The following TRIM66 variants were observed in gnomAD, a reference collection of about 807,000 sequenced individuals.
The protein encoded by TRIM66 is tripartite motif containing 66.
A neutral mutation model predicts 148.2 loss-of-function variants in TRIM66; 99 were observed. That is an observed-to-expected ratio of 0.67 (90% CI 0.57 to 0.79). The LOEUF (loss-of-function observed/expected upper bound fraction) is 0.79. Among genes scored for constraint, TRIM66 ranks in the 30% least tolerant of loss-of-function variants. The pLI is 0.00. For missense variants in TRIM66, 1,666 were observed against 1,697.9 expected, an observed-to-expected ratio of 0.98 and a Z score of 0.33; for synonymous variants, 616 against 635.9, an observed-to-expected ratio of 0.97 and a Z score of 0.47.
rs770617106 is a variant in TRIM66, at chr11:8,622,827, G to A, written c.3069C>T (p.Asn1023=). ...CAGAAGGCTGTTACCTGATGCTCTG[G>A]TTCTCTTTTGCATCCAGCTCTAGGG... The part of the protein sequence containing the change: ...QGALELDAKE[N]QSIRAFNSEH... The change falls in exon 18 of 25, where the codon AAC becomes AAT. Residue 1023 remains asparagine (N), a synonymous_variant. Transcript: ENST00000646038. The A allele has an allele frequency of 1.0e-4, 156 of 1,551,774 alleles. No individual in the cohort carries two copies. Among genetic ancestry groups the A allele is most frequent in the Non-Finnish European group, 1.3e-4 (146 of 1,147,034 alleles).
chr11:8,680,220 T>G lies in TRIM66; in HGVS notation c.-547-157A>C, dbSNP rs528722651. Among the ~76,000 whole-genome samples, 19 of 152,200 alleles carry G rather than the reference T, an allele frequency of 1.2e-4. No individual in the cohort carries two copies. In the East Asian group the frequency reaches 3.5e-3, roughly 28 times the overall value. ...AGGCACGGCTGCAGTAGAAAGCTTG[T>G]GTAAGGGAGAGGCTGGGGTAAGGCT... On this transcript the variant is annotated intron_variant, in intron 1 of 24. Coordinates refer to ENST00000646038, the MANE Select transcript of TRIM66 (RefSeq NM_001388022.1).
intron 6 of TRIM66, among the ~76,000 whole-genome samples, chr11:8,660,468 CCA>C (rs1274617556): frequency 6.6e-6 from 1 of 152,184 alleles, no homozygotes; most frequent in African/African-American, 2.4e-5. Context: ...GGTCAGAAAA[CCA>C]CAGACTGCCT....
Position 8,682,601 on chromosome 11 carries a change from C to G in TRIM66, c.-548G>C. On this transcript the variant is annotated splice_region_variant and 5_prime_UTR_variant, in exon 1 of 25. Transcript: ENST00000646038. ...CCGAGCCTAGCACAACGAGCCTCACCGAAACCGTACACCGCCACCAGGACA... is the reference window on the plus strand; with the variant it reads ...CCGAGCCTAGCACAACGAGCCTCACGGAAACCGTACACCGCCACCAGGACA... The G allele has an allele frequency of 3.2e-6, 2 of 619,480 alleles. No homozygotes were observed. The allele number at this position is 619,480 out of a possible 1,614,324, so 38.4% of individuals were successfully genotyped here. A position where few individuals can be genotyped will look rare whatever the true frequency, so the allele number is the denominator to read the frequency against.
At chr11:8,637,631 G>A (rs1282108579) in intron 15 of TRIM66, among the ~76,000 whole-genome samples, 1 of 152,188 alleles carries the variant, frequency 6.6e-6, no homozygotes, top group Admixed American at 6.5e-5. Flanking sequence ...CAATGGTACA[G>A]AGCTAGGGAA....
At chr11:8,646,951 G>T (rs1469251254) in intron 10 of TRIM66, among the ~76,000 whole-genome samples, 2 of 148,514 alleles carry the variant, frequency 1.3e-5, no homozygotes, top group African/African-American at 2.5e-5. Flanking sequence ...TGCCTCAGTA[G>T]TTTCTGAGGG....
In TRIM66 at chr11:8,638,996, C is replaced by T. The variant is rs972546783; in HGVS notation, c.2149-181G>A. Among the ~76,000 whole-genome samples, 12 of 152,318 alleles carry T rather than the reference C, an allele frequency of 7.9e-5. No individual in the cohort carries two copies. The East Asian group carries it at 9.6e-4, about 12-fold the overall frequency. ...TATCCCAACTCTTCCAAAGACTACA[C>T]GCTAATGGGAATGTCTTAGGATGAA... On this transcript the variant is annotated intron_variant, in intron 14 of 24. Transcript: ENST00000646038.
At chr11:8,676,492 C>G (rs529534913) in intron 3 of TRIM66, among the ~76,000 whole-genome samples, 1 of 152,324 alleles carries the variant, frequency 6.6e-6, no homozygotes, top group South Asian at 2.1e-4. Context: ...CTGCATTAGA[C>G]CTTGCATCAC....
intron 15 of TRIM66, among the ~76,000 whole-genome samples, chr11:8,632,823 C>T (rs767888155): frequency 6.6e-6 from 1 of 152,162 alleles, no homozygotes; most frequent in African/African-American, 2.4e-5. Context: ...TCCTCCATCT[C>T]AAGAGAAAGC....
At chr11:8,647,089 CAT>C (rs66745246) in intron 10 of TRIM66, among the ~76,000 whole-genome samples, 87,052 of 147,880 alleles carry the variant, frequency 0.59, 26,000 homozygotes, top group Non-Finnish European at 0.64. Flanking sequence ...AAACAATAAA[CAT>C]ATAATATAAT....
rs139717886 is a variant in TRIM66 at position 8,638,507 on chromosome 11, C to T, written c.2310+147G>A. ...GAAGATCTAGGTTGCTGACTCACTA[C>T]GGCAGAAGGCATGAATCAGGGCTGT... On this transcript the variant is annotated intron_variant, in intron 15 of 24. Transcript: ENST00000646038. 15 of 857,176 alleles carry T rather than the reference C, an allele frequency of 1.7e-5. 1 individual carries two copies. The highest frequency in any genetic ancestry group is 7.6e-5 in the South Asian group (4 of 52,332). The allele number at this position is 857,176 out of a possible 1,614,324, so 53.1% of individuals were successfully genotyped here.
Position 8,671,981 on chromosome 11 carries a change from G to C in TRIM66, c.145C>G (p.Leu49Val). The C allele has an allele frequency of 6.5e-7, 1 of 1,536,120 alleles. No homozygotes were observed. Among genetic ancestry groups the C allele is most frequent in the Non-Finnish European group, 8.7e-7 (1 of 1,146,922 alleles). Reference protein sequence around the residue: ...DMGMSFMGLPLAGQKHCPKSG... With the variant: ...DMGMSFMGLPVAGQKHCPKSG... ...TTAGGGCAGTGTTTCTGGCCAGCTA[G>C]TGGCAGCCCCATAAAGCTCATGCCC... The change falls in exon 6 of 25, where the codon CTA becomes GTA. Residue 49 changes from leucine to valine, a missense_variant. Around this residue, in one of 3 missense-constraint regions of TRIM66, gnomAD observed 1,431 missense variants for 1,412.4 expected, o/e 1.01. Coordinates refer to ENST00000646038, the MANE Select transcript of TRIM66 (RefSeq NM_001388022.1).
rs186647394 is a variant in TRIM66 at position 8,640,395 on chromosome 11, C to T, written c.1980G>A (p.Glu660=). The T allele has an allele frequency of 2.6e-6, 4 of 1,551,986 alleles. No homozygotes were observed. The highest frequency in any genetic ancestry group is 3.9e-5 in the Admixed American group (2 of 50,988). ...MDIMHHKFEL[E]EMQKDLELLL... Reference sequence around the variant, plus strand: ...GAAGCTCCAAGTCCTTCTGCATTTCCTCCAGCTCAAACTTGTGATGCATTA... The same window carrying T: ...GAAGCTCCAAGTCCTTCTGCATTTCTTCCAGCTCAAACTTGTGATGCATTA... The change falls in exon 14 of 25, where the codon GAG becomes GAA. Residue 660 remains glutamate, a synonymous_variant. Coordinates refer to ENST00000646038, the MANE Select transcript of TRIM66 (RefSeq NM_001388022.1).
chr11:8,658,723 G>A, intron 6 of TRIM66: 1 of 973,840 alleles, frequency 1.0e-6, no homozygotes. Context: ...CAGATGCCAG[G>A]CACACACTCT....
At chr11:8,681,165 G>C (rs1235006259) in intron 1 of TRIM66, among the ~76,000 whole-genome samples, 1 of 148,240 alleles carries the variant, frequency 6.7e-6, no homozygotes, top group Non-Finnish European at 1.5e-5. Flanking sequence ...ACGGAGTCTC[G>C]TTCTGTCGCC....
chr11:8,651,270 ATTACTAAT>A (rs1037241168), intron 7 of TRIM66, among the ~76,000 whole-genome samples: 44 of 152,280 alleles, frequency 2.9e-4, no homozygotes, highest in African/African-American at 9.4e-4. Flanking sequence ...AAATTAGTAA[ATTACTAAT>A]TTACTAATTT....
At chr11:8,653,590 C>T (rs1209551814) in intron 6 of TRIM66, among the ~76,000 whole-genome samples, 1 of 152,058 alleles carries the variant, frequency 6.6e-6, no homozygotes, top group African/African-American at 2.4e-5. Context: ...TAAGCCCAGG[C>T]CAAACCAGAA....
rs142386762 is a variant in TRIM66 at position 8,654,169 on chromosome 11, C to A, written c.341-2266G>T. 1.4e-4 allele frequency among the ~76,000 whole-genome samples: 21 copies of A among 152,380 alleles called. No homozygotes were observed. The Middle Eastern group carries it at 0.01, about 74-fold the overall frequency. On this transcript the variant is annotated intron_variant, in intron 6 of 24. Transcript: ENST00000646038. ...GGTCAAACAAGGCCTCATCACACAT[C>A]CTCTGCTCCCTTGGCCTTAAAGCCA...
Position 8,669,172 on chromosome 11 carries a change from A to G in TRIM66, c.340+2614T>C, listed in dbSNP as rs550695677. Among the ~76,000 whole-genome samples the G allele has an allele frequency of 2.0e-5, 3 of 152,346 alleles. No homozygotes were observed. In the East Asian group the frequency reaches 5.8e-4, roughly 29 times the overall value. On this transcript the variant is annotated intron_variant, in intron 6 of 24. Transcript: ENST00000646038. ...CCCAATATCATTTGGTCCAAAGCAT[A>G]GACTGCCTTATGTTGATGCATTGAG...
intron 15 of TRIM66, among the ~76,000 whole-genome samples, chr11:8,634,973 C>T (rs2035751247): frequency 6.6e-6 from 1 of 152,204 alleles, no homozygotes; most frequent in Admixed American, 6.5e-5. Flanking sequence ...GAGGACAAAA[C>T]ACCTTTACCA....
Sources: gnomAD v4.1 joint callset for allele counts (sites outside exome capture counted in the v4.1 genomes callset) on GRCh38, gnomAD v4.1.1 for gene constraint, gnomAD v4.1.1 regional missense constraint, MANE v1.5 for transcripts, NCBI Gene and HGNC (gene_info 2026-07-23, HGNC 2026-07-21) for gene names.